ABTB3: variants seen among roughly 807,000 people sequenced by gnomAD.
The protein encoded by ABTB3 is ankyrin repeat- and BTB/POZ domain-containing protein 3.
the ABTB3 span, among the ~76,000 whole-genome samples, chr12:107,414,437 T>G: frequency 6.6e-6 from 1 of 152,082 alleles, no homozygotes; most frequent in African/African-American, 2.4e-5. Context: ...ATGTCTAAAT[T>G]TTTACCCCCA....
At chr12:107,575,849 T>C in the ABTB3 span, among the ~76,000 whole-genome samples, 45 of 152,308 alleles carry the variant, frequency 3.0e-4, no homozygotes, top group African/African-American at 1.0e-3. Flanking sequence ...GGGATTAGGA[T>C]GTGGACATCT....
At chr12:107,389,391 T>C in the ABTB3 span, among the ~76,000 whole-genome samples, 1 of 152,162 alleles carries the variant, frequency 6.6e-6, no homozygotes, top group Non-Finnish European at 1.5e-5. Flanking sequence ...AAAACTGAGG[T>C]ATAAGCCGCA....
chr12:107,498,831 G>A, the ABTB3 span, among the ~76,000 whole-genome samples: 3 of 152,098 alleles, frequency 2.0e-5, no homozygotes, highest in East Asian at 1.9e-4. Context: ...AAGGTTCTGG[G>A]GACTAGGACA....
At chr12:107,486,706 C>T in the ABTB3 span, 1 of 148,016 alleles carries the variant, frequency 6.8e-6, no homozygotes, top group Non-Finnish European at 1.5e-5. Flanking sequence ...CCACATCCTC[C>T]TCGGGACCTC....
chr12:107,360,007 C>T, the ABTB3 span, among the ~76,000 whole-genome samples: 1 of 152,178 alleles, frequency 6.6e-6, no homozygotes, highest in African/African-American at 2.4e-5. Context: ...CTTCCTACCT[C>T]AGAACTTTAT....
chr12:107,441,607 C>T, the ABTB3 span, among the ~76,000 whole-genome samples: 1 of 151,788 alleles, frequency 6.6e-6, no homozygotes, highest in African/African-American at 2.4e-5. Flanking sequence ...ATATGTACCC[C>T]AGAACTTAAA....
At chr12:107,487,449 G>T in the ABTB3 span, among the ~76,000 whole-genome samples, 419 of 152,262 alleles carry the variant, frequency 2.8e-3, 3 homozygotes, top group African/African-American at 9.4e-3. Context: ...ACTAGGAAAA[G>T]GTCAGCCAAA....
At chr12:107,370,309 G>A in the ABTB3 span, among the ~76,000 whole-genome samples, 5 of 152,174 alleles carry the variant, frequency 3.3e-5, no homozygotes, top group South Asian at 2.1e-4. Context: ...GAAGCTTCCC[G>A]TTGACCTTCC....
the ABTB3 span, chr12:107,640,469 C>A: frequency 3.4e-6 from 4 of 1,172,956 alleles, no homozygotes; most frequent in East Asian, 7.3e-5. Flanking sequence ...GTTGCTATTA[C>A]TATTTTTTGA....
At chr12:107,584,457 C>T in the ABTB3 span, among the ~76,000 whole-genome samples, 1 of 152,236 alleles carries the variant, frequency 6.6e-6, no homozygotes, top group African/African-American at 2.4e-5. Flanking sequence ...AATACAGTCT[C>T]CTTGCTTCCC....
At chr12:107,536,640 A>G in the ABTB3 span, among the ~76,000 whole-genome samples, 1 of 152,230 alleles carries the variant, frequency 6.6e-6, no homozygotes, top group Non-Finnish European at 1.5e-5. Flanking sequence ...AGTGCTTAAC[A>G]TCAGTAATCA....
At chr12:107,423,211 AAG>A in the ABTB3 span, among the ~76,000 whole-genome samples, 1 of 152,224 alleles carries the variant, frequency 6.6e-6, no homozygotes, top group African/African-American at 2.4e-5. Flanking sequence ...TGAGGATAAT[AAG>A]AATTTTTTCA....
the ABTB3 span, chr12:107,320,072 A>C: frequency 3.4e-6 from 5 of 1,490,752 alleles, no homozygotes; most frequent in African/African-American, 7.1e-5. Flanking sequence ...GAAGAACGCC[A>C]GCGGTAAGTG....
the ABTB3 span, among the ~76,000 whole-genome samples, chr12:107,500,772 C>T: frequency 1.3e-5 from 2 of 152,256 alleles, no homozygotes; most frequent in Non-Finnish European, 1.5e-5. Flanking sequence ...TGCTCCCACC[C>T]GGCCTGGCTA....
chr12:107,603,645 T>C, the ABTB3 span, among the ~76,000 whole-genome samples: 4 of 152,136 alleles, frequency 2.6e-5, no homozygotes, highest in Non-Finnish European at 5.9e-5. Context: ...GCCTGGGCAA[T>C]GATTTTTTTG....
chr12:107,485,763 A>G, the ABTB3 span, among the ~76,000 whole-genome samples: 3 of 152,208 alleles, frequency 2.0e-5, no homozygotes, highest in Admixed American at 2.0e-4. Flanking sequence ...ATTGCAACAA[A>G]CTGTAGTTGA....
chr12:107,390,932 C>A, the ABTB3 span, among the ~76,000 whole-genome samples: 1 of 152,152 alleles, frequency 6.6e-6, no homozygotes, highest in Non-Finnish European at 1.5e-5. Flanking sequence ...GGGTGGATCA[C>A]CTGAGGTCAG....
the ABTB3 span, among the ~76,000 whole-genome samples, chr12:107,473,926 G>A: frequency 6.6e-6 from 1 of 151,670 alleles, no homozygotes; most frequent in Non-Finnish European, 1.5e-5. Flanking sequence ...CTCACTACAG[G>A]TGTGCACCAT....
At chr12:107,554,652 A>G in the ABTB3 span, among the ~76,000 whole-genome samples, 2 of 152,188 alleles carry the variant, frequency 1.3e-5, no homozygotes, top group African/African-American at 2.4e-5. Flanking sequence ...TCAAACATTA[A>G]TGACTTGAAT....
Sources: allele counts gnomAD v4.1 joint callset (sites outside exome capture counted in the v4.1 genomes callset), GRCh38; gene constraint gnomAD v4.1.1; transcripts MANE v1.5; gene names NCBI Gene and HGNC (gene_info 2026-07-23, HGNC 2026-07-21).